GRID2: variants seen among roughly 807,000 people sequenced by gnomAD.
GRID2 encodes glutamate ionotropic receptor delta type subunit 2, also known as glutamate receptor ionotropic, delta-2.
A neutral mutation model predicts 114.8 loss-of-function variants in GRID2; 33 were observed. That is an observed-to-expected ratio of 0.29 (90% CI 0.22 to 0.38). The LOEUF (loss-of-function observed/expected upper bound fraction) is 0.38. GRID2 is among the 10% of genes least tolerant of loss of function. GRID2 has a pLI of 1.00. For synonymous variants in GRID2, 505 were observed against 449.9 expected (o/e 1.12, Z -1.55); for missense variants, 1,184 against 1,257.7 (o/e 0.94, Z 0.89).
At chr4:92,541,274 C>G (rs1030270096) in intron 1 of GRID2, among the ~76,000 whole-genome samples, 1 of 150,960 alleles carries the variant, frequency 6.6e-6, no homozygotes, top group African/African-American at 2.4e-5. Context: ...CACATGTACC[C>G]TTAAACTTAA....
chr4:93,190,862 T>C (rs1420924623), intron 4 of GRID2, among the ~76,000 whole-genome samples: 1 of 152,000 alleles, frequency 6.6e-6, no homozygotes, highest in Non-Finnish European at 1.5e-5. Flanking sequence ...AAAGCAAGTT[T>C]AAGTAAAAGA....
At chr4:93,363,475 A>G (rs1490167584) in intron 8 of GRID2, among the ~76,000 whole-genome samples, 2 of 152,166 alleles carry the variant, frequency 1.3e-5, no homozygotes, top group Non-Finnish European at 2.9e-5. Context: ...CATCCTAAGC[A>G]AAGACTGGAA....
At chr4:93,246,673 T>C (rs965964117) in intron 8 of GRID2, among the ~76,000 whole-genome samples, 1 of 152,084 alleles carries the variant, frequency 6.6e-6, no homozygotes, top group Non-Finnish European at 1.5e-5. Flanking sequence ...TTTATCCCAT[T>C]CTCCTTTATT....
chr4:92,818,768 C>A lies in GRID2; in HGVS notation c.244+228482C>A, dbSNP rs113062755. Among the ~76,000 whole-genome samples the A allele has an allele frequency of 8.4e-3, 1,282 of 152,170 alleles. 21 individuals carry two copies. Among genetic ancestry groups the A allele is most frequent in the African/African-American group, 0.027 (1,102 of 41,550 alleles). On this transcript the variant is annotated intron_variant, in intron 2 of 15. Coordinates refer to ENST00000282020, the MANE Select transcript of GRID2 (RefSeq NM_001510.4). ...TGTGAGGCAAACATGAAGTTTATAT[C>A]AGACACATATGAATATACTCAATGA...
intron 2 of GRID2, among the ~76,000 whole-genome samples, chr4:92,670,123 T>C (rs1285057903): frequency 6.6e-6 from 1 of 152,100 alleles, no homozygotes; most frequent in Non-Finnish European, 1.5e-5. Flanking sequence ...GAAAGAACAA[T>C]AAATCATTAG....
chr4:92,968,029 A>T (rs1470384009), intron 2 of GRID2, among the ~76,000 whole-genome samples: 1 of 151,894 alleles, frequency 6.6e-6, no homozygotes, highest in Non-Finnish European at 1.5e-5. Context: ...GAACACCATT[A>T]GGCCTGATGT....
intron 1 of GRID2, among the ~76,000 whole-genome samples, chr4:92,539,661 A>G (rs1349060553): frequency 6.6e-6 from 1 of 152,166 alleles, no homozygotes; most frequent in Non-Finnish European, 1.5e-5. Context: ...TTGCTACCAA[A>G]TTAGTAATTG....
At chr4:93,599,811 A>T (rs74850823) in intron 13 of GRID2, among the ~76,000 whole-genome samples, 72 of 152,288 alleles carry the variant, frequency 4.7e-4, no homozygotes, top group African/African-American at 1.7e-3. Flanking sequence ...GCTAGCATTC[A>T]AGAATAAAGT....
chr4:93,538,972 T>C (rs1467897579), intron 13 of GRID2, among the ~76,000 whole-genome samples: 1 of 151,822 alleles, frequency 6.6e-6, no homozygotes, highest in Non-Finnish European at 1.5e-5. Flanking sequence ...TTTTTACAAA[T>C]GTACCATAGT....
intron 1 of GRID2, among the ~76,000 whole-genome samples, chr4:92,443,247 C>G (rs1005129201): frequency 6.6e-5 from 10 of 152,102 alleles, no homozygotes; most frequent in African/African-American, 9.7e-5. Flanking sequence ...TTAGATCTTG[C>G]AGGATGGAAA....
intron 14 of GRID2, among the ~76,000 whole-genome samples, chr4:93,658,018 G>A (rs1214919194): frequency 1.3e-5 from 2 of 152,120 alleles, no homozygotes; most frequent in East Asian, 3.9e-4. Context: ...ACTTCCATTG[G>A]GATCCTGTTC....
At chr4:92,484,888 ACT>A (rs1172006339) in intron 1 of GRID2, among the ~76,000 whole-genome samples, 1 of 151,984 alleles carries the variant, frequency 6.6e-6, no homozygotes, top group African/African-American at 2.4e-5. Context: ...TCATATTTAA[ACT>A]CAGATTAATG....
chr4:92,325,811 T>C (rs578136795), intron 1 of GRID2, among the ~76,000 whole-genome samples: 1 of 151,992 alleles, frequency 6.6e-6, no homozygotes, highest in African/African-American at 2.4e-5. Context: ...CTTTTATATC[T>C]TTAAAGTCAT....
At chr4:93,614,617 A>T (rs1741398295) in intron 13 of GRID2, among the ~76,000 whole-genome samples, 1 of 152,186 alleles carries the variant, frequency 6.6e-6, no homozygotes, top group Admixed American at 6.5e-5. Flanking sequence ...GGACGAGTTA[A>T]CAGGGTCAAT....
At chr4:92,943,648 A>G (rs1375272433) in intron 2 of GRID2, among the ~76,000 whole-genome samples, 1 of 152,024 alleles carries the variant, frequency 6.6e-6, no homozygotes, top group Non-Finnish European at 1.5e-5. Context: ...GGAGGAGGAG[A>G]GGTGCTCTGA....
At chr4:92,810,531 T>C (rs569230928) in intron 2 of GRID2, among the ~76,000 whole-genome samples, 2 of 152,088 alleles carry the variant, frequency 1.3e-5, no homozygotes, top group Non-Finnish European at 2.9e-5. Context: ...TTTTTATCAT[T>C]TTTCACATTG....
intron 2 of GRID2, among the ~76,000 whole-genome samples, chr4:92,963,473 G>A (rs370063084): frequency 6.6e-6 from 1 of 151,922 alleles, no homozygotes; most frequent in Non-Finnish European, 1.5e-5. Context: ...CACTGTCTTT[G>A]TTCCTCCATA....
At chr4:93,458,276 T>C (rs528277654) in intron 11 of GRID2, among the ~76,000 whole-genome samples, 39 of 152,336 alleles carry the variant, frequency 2.6e-4, no homozygotes, top group African/African-American at 8.2e-4. Context: ...TAACAATAAA[T>C]TTATTATTGA....
intron 1 of GRID2, among the ~76,000 whole-genome samples, chr4:92,511,405 A>T (rs925784506): frequency 2.1e-4 from 32 of 151,934 alleles, no homozygotes; most frequent in Admixed American, 2.0e-3. Flanking sequence ...CAACACTGGG[A>T]ATCACATTTT....
Sources: gnomAD v4.1 joint callset for allele counts (sites outside exome capture counted in the v4.1 genomes callset) on GRCh38, gnomAD v4.1.1 for gene constraint, MANE v1.5 for transcripts, NCBI Gene and HGNC (gene_info 2026-07-23, HGNC 2026-07-21) for gene names.